The following THSD7A variants were observed in gnomAD, a reference collection of about 807,000 sequenced individuals.
The protein encoded by THSD7A is thrombospondin type-1 domain-containing protein 7A.
In THSD7A, 96 loss-of-function variants were observed where a neutral mutation model predicts 231.3. The ratio of observed to expected loss-of-function variants is 0.41; its 90% CI spans 0.35 to 0.49. The LOEUF is 0.49. Ranked by LOEUF, THSD7A falls within the 20% of genes least tolerant of loss-of-function variation. The pLI, the probability that THSD7A is intolerant of heterozygous loss-of-function variation, is 0.05. For synonymous variants in THSD7A, 940 were observed against 743.3 expected (o/e 1.26, Z -4.30); for missense variants, 2,290 against 2,070.2 (o/e 1.11, Z -2.06).
chr7:11,661,339 T>C (rs1782921272), intron 1 of THSD7A, among the ~76,000 whole-genome samples: 1 of 151,272 alleles, frequency 6.6e-6, no homozygotes, highest in South Asian at 2.1e-4. Flanking sequence ...TGGCTCAAAT[T>C]CAGGCAAAAT....
chr7:11,832,137 G>A lies in THSD7A; in HGVS notation c.-191C>T. On this transcript the variant is annotated 5_prime_UTR_variant, in exon 1 of 28. Coordinates refer to ENST00000423059, the MANE Select transcript of THSD7A (RefSeq NM_015204.3). Reference sequence around the variant, plus strand: ...AGCGTCCGCGGTGGTGGCCGTGGCCGCTGCCGCCGCCGCCGCCGCCTCTGG... The same window carrying A: ...AGCGTCCGCGGTGGTGGCCGTGGCCACTGCCGCCGCCGCCGCCGCCTCTGG... 5.5e-6 allele frequency: 2 copies of A among 360,774 alleles called. No homozygotes were observed. Among genetic ancestry groups the A allele is most frequent in the Non-Finnish European group, 9.6e-6 (2 of 209,300 alleles). 22.3% of individuals were successfully genotyped at this position (360,774 alleles called of 1,614,324 possible). A position where few individuals can be genotyped will look rare whatever the true frequency, so the allele number is the denominator to read the frequency against.
chr7:11,731,314 C>T (rs1322710326), intron 1 of THSD7A, among the ~76,000 whole-genome samples: 1 of 151,458 alleles, frequency 6.6e-6, no homozygotes, highest in Non-Finnish European at 1.5e-5. Context: ...GGTAACTCCC[C>T]TGATTATTGT....
At chr7:11,513,734 A>G (rs1787913414) in intron 6 of THSD7A, among the ~76,000 whole-genome samples, 1 of 152,230 alleles carries the variant, frequency 6.6e-6, no homozygotes, top group Non-Finnish European at 1.5e-5. Flanking sequence ...GCACAACATT[A>G]TGGATATACT....
intron 1 of THSD7A, among the ~76,000 whole-genome samples, chr7:11,717,009 TC>T (rs1211251887): frequency 6.6e-6 from 1 of 151,618 alleles, no homozygotes; most frequent in Non-Finnish European, 1.5e-5. Flanking sequence ...TCAAATCTCT[TC>T]CTTCTGAAAA....
chr7:11,713,041 A>G lies in THSD7A; in HGVS notation c.191-76080T>C, dbSNP rs1781018132. ...ATTTTGCATCTTCATGTGACCATGC[A>G]TATGCAAAGAGTGATTGAGTGGACA... On this transcript the variant is annotated intron_variant, in intron 1 of 27. Transcript: ENST00000423059. Among the ~76,000 whole-genome samples, 3 of 151,268 alleles carry G rather than the reference A, an allele frequency of 2.0e-5. No individual in the cohort carries two copies. In the South Asian group the frequency reaches 6.2e-4, roughly 31 times the overall value.
intron 4 of THSD7A, among the ~76,000 whole-genome samples, chr7:11,572,052 C>T (rs1023664567): frequency 6.6e-6 from 1 of 151,972 alleles, no homozygotes; most frequent in African/African-American, 2.4e-5. Context: ...TATTAGACAC[C>T]ATGACACTAT....
intron 1 of THSD7A, among the ~76,000 whole-genome samples, chr7:11,640,555 A>G (rs1026262173): frequency 6.6e-6 from 1 of 152,132 alleles, no homozygotes; most frequent in Non-Finnish European, 1.5e-5. Flanking sequence ...TTGTAGTAAT[A>G]TTACATATAT....
intron 2 of THSD7A, among the ~76,000 whole-genome samples, chr7:11,604,038 AT>A (rs780754144): frequency 1.8e-4 from 27 of 151,492 alleles, no homozygotes; most frequent in Non-Finnish European, 3.1e-4. Flanking sequence ...TAAAAAAAAA[AT>A]GCCAAAAAAA....
At chr7:11,467,331 A>G (rs1785751423) in intron 9 of THSD7A, among the ~76,000 whole-genome samples, 1 of 152,040 alleles carries the variant, frequency 6.6e-6, no homozygotes, top group African/African-American at 2.4e-5. Flanking sequence ...TTACCATTAA[A>G]TTTTGTTATT....
rs1265393247 is a variant in THSD7A, at chr7:11,379,131, G to C, written c.4740C>G (p.Thr1580=). ...GTCCTGCTGGGTTACTGGAGGGTTG[G>C]GTTGGATGTACAGCCCGACTGGTTT... ...DVKTSRAVHP[T]QPSSNPAGRG... Residue 1580 remains threonine (T), a synonymous_variant, in exon 26 of 28, where the codon ACC becomes ACG. Coordinates refer to ENST00000423059, the MANE Select transcript of THSD7A (RefSeq NM_015204.3). The C allele has an allele frequency of 6.2e-7, 1 of 1,613,650 alleles. No individual in the cohort carries two copies. Among genetic ancestry groups the C allele is most frequent in the Non-Finnish European group, 8.5e-7 (1 of 1,179,688 alleles).
intron 1 of THSD7A, among the ~76,000 whole-genome samples, chr7:11,653,514 G>C (rs1584152595): frequency 6.7e-6 from 1 of 149,694 alleles, no homozygotes; most frequent in East Asian, 2.0e-4. Context: ...CAGAGACAGA[G>C]TCTTGCTATG....
chr7:11,713,131 T>C (rs1781020753), intron 1 of THSD7A, among the ~76,000 whole-genome samples: 1 of 151,168 alleles, frequency 6.6e-6, no homozygotes, highest in Non-Finnish European at 1.5e-5. Flanking sequence ...CCATGGCTCA[T>C]TAATTAGCAC....
At chr7:11,723,096 G>C (rs1157082204) in intron 1 of THSD7A, among the ~76,000 whole-genome samples, 2 of 151,936 alleles carry the variant, frequency 1.3e-5, no homozygotes, top group Admixed American at 6.6e-5. Flanking sequence ...AACAATGACA[G>C]ACTGGATTAA....
intron 2 of THSD7A, among the ~76,000 whole-genome samples, chr7:11,605,087 C>A (rs1054908298): frequency 1.3e-5 from 2 of 151,912 alleles, no homozygotes; most frequent in African/African-American, 4.8e-5. Context: ...AGTGGCATAA[C>A]CTGAACTGTC....
chr7:11,475,674 C>A (rs942150024), intron 7 of THSD7A, among the ~76,000 whole-genome samples: 1 of 149,192 alleles, frequency 6.7e-6, no homozygotes, highest in Non-Finnish European at 1.5e-5. Context: ...TCAAATTTTT[C>A]TAGGGAATAT....
chr7:11,722,029 C>T (rs934922160), intron 1 of THSD7A, among the ~76,000 whole-genome samples: 1 of 151,870 alleles, frequency 6.6e-6, no homozygotes, highest in East Asian at 1.9e-4. Context: ...CAACTTTTCA[C>T]TCATTGTGAA....
intron 1 of THSD7A, among the ~76,000 whole-genome samples, chr7:11,703,593 T>A (rs1780672409): frequency 6.6e-6 from 1 of 151,286 alleles, no homozygotes; most frequent in African/African-American, 2.4e-5. Flanking sequence ...TACAGTAGTG[T>A]AATGCCTGGC....
intron 4 of THSD7A, among the ~76,000 whole-genome samples, chr7:11,565,473 A>G (rs1290661441): frequency 1.3e-5 from 2 of 152,216 alleles, no homozygotes; most frequent in African/African-American, 4.8e-5. Flanking sequence ...CAGGGCAAGG[A>G]ACACAAGGTT....
intron 1 of THSD7A, among the ~76,000 whole-genome samples, chr7:11,725,509 G>T (rs999829006): frequency 6.6e-6 from 1 of 151,936 alleles, no homozygotes; most frequent in Non-Finnish European, 1.5e-5. Context: ...AAAGTAATTT[G>T]CCATTAACGT....
Sources: allele counts gnomAD v4.1 joint callset (sites outside exome capture counted in the v4.1 genomes callset), GRCh38; gene constraint gnomAD v4.1.1; transcripts MANE v1.5; gene names NCBI Gene and HGNC (gene_info 2026-07-23, HGNC 2026-07-21).